Variants in AKT3 observed in about 807,000 individuals in gnomAD.
AKT3 encodes RAC-gamma serine/threonine-protein kinase.
A neutral mutation model predicts 65.3 loss-of-function variants in AKT3; 15 were observed. The ratio of observed to expected loss-of-function variants is 0.23; its 90% CI spans 0.15 to 0.35. AKT3 has a LOEUF of 0.35. AKT3 is among the 10% of genes least tolerant of loss of function. The pLI is 1.00. For synonymous variants in AKT3, 206 were observed against 183.8 expected (o/e 1.12, Z -0.98); for missense variants, 243 against 576.5 (o/e 0.42, Z 5.92).
chr1:243,795,992 T>C (rs367982786), intron 2 of AKT3, among the ~76,000 whole-genome samples: 2 of 152,184 alleles, frequency 1.3e-5, no homozygotes, highest in African/African-American at 2.4e-5. Flanking sequence ...TTCAGCTCCA[T>C]TTCTGACCCC....
At chr1:243,632,203 C>A (rs1045408652) in intron 6 of AKT3, among the ~76,000 whole-genome samples, 1 of 152,096 alleles carries the variant, frequency 6.6e-6, no homozygotes, top group Non-Finnish European at 1.5e-5. Context: ...CTGTCTATTA[C>A]AAAATGTATT....
Position 243,507,212 on chromosome 1 carries a change from G to A in AKT3, c.1355-1878C>T, listed in dbSNP as rs941639135. Among the ~76,000 whole-genome samples, 15 of 152,194 alleles carry A rather than the reference G, an allele frequency of 9.9e-5. 1 individual carries two copies. The highest frequency in any genetic ancestry group is 3.6e-4 in the African/African-American group (15 of 41,448). On this transcript the variant is annotated intron_variant, in intron 13 of 13. Coordinates refer to ENST00000673466, the MANE Select transcript of AKT3 (RefSeq NM_005465.7). ...CATGGCCAGGACTCATTCCAGCCCG[G>A]CGAGGTTCAGCACCCAGGTTAGCCA...
intron 2 of AKT3, among the ~76,000 whole-genome samples, chr1:243,764,639 T>G (rs1382780889): frequency 6.6e-6 from 1 of 152,040 alleles, no homozygotes; most frequent in African/African-American, 2.4e-5. Flanking sequence ...AAAACAAAAT[T>G]GGTTTAAAAA....
At chr1:243,546,306 C>A (rs1226891776) in intron 11 of AKT3, among the ~76,000 whole-genome samples, 4 of 151,994 alleles carry the variant, frequency 2.6e-5, no homozygotes, top group Admixed American at 2.0e-4. Context: ...TTCTTCATAG[C>A]AGAATGAAAA....
At chr1:243,679,229 T>C (rs1383276229) in intron 3 of AKT3, among the ~76,000 whole-genome samples, 1 of 152,138 alleles carries the variant, frequency 6.6e-6, no homozygotes, top group Non-Finnish European at 1.5e-5. Flanking sequence ...TGGGCAACAG[T>C]AGGATATTGG....
chr1:243,639,750 C>T lies in AKT3; in HGVS notation c.430-2008G>A, dbSNP rs532823714. ...TTAGCATATGATTAAAAAATAACCACAAAAATAGCCAACCAGTAGCCATCA... is the reference window on the plus strand; with the variant it reads ...TTAGCATATGATTAAAAAATAACCATAAAAATAGCCAACCAGTAGCCATCA... On this transcript the variant is annotated intron_variant, in intron 5 of 13. Transcript: ENST00000673466. 3.3e-5 allele frequency among the ~76,000 whole-genome samples: 5 copies of T among 152,246 alleles called. No homozygotes were observed. In the East Asian group the frequency reaches 9.6e-4, roughly 29 times the overall value.
chr1:243,497,665 A>G (rs1280782281), downstream of AKT3, among the ~76,000 whole-genome samples: 1 of 152,186 alleles, frequency 6.6e-6, no homozygotes, highest in African/African-American at 2.4e-5. Context: ...TTATCAAAAA[A>G]TTCCGCAACA....
intron 4 of AKT3, among the ~76,000 whole-genome samples, chr1:243,649,313 ATGTGTG>A (rs55765060): frequency 0.18 from 25,704 of 145,668 alleles, 2,413 homozygotes; most frequent in East Asian, 0.29. Context: ...TTATGTGTAT[ATGTGTG>A]TGTGTGTGTG....
At chr1:243,850,812 G>C (rs533394281), upstream of AKT3, among the ~76,000 whole-genome samples, 715 of 152,044 alleles carry the variant, frequency 4.7e-3, 5 homozygotes, top group African/African-American at 0.017. Context: ...CCCCTAGCCA[G>C]CCAGAGCCGG....
At position 243,691,036 on chromosome 1, in the gene AKT3, T is replaced by C. The variant is rs139061698; in HGVS notation, c.172+4555A>G. The stretch of plus-strand genomic sequence containing the variant: ...CAGGAACAAGATAACCAAGAAACAA[T>C]GTGTTAACAGCAGAAGATAATAGAT... On this transcript the variant is annotated intron_variant, in intron 3 of 13. Transcript: ENST00000673466. 3.7e-3 allele frequency among the ~76,000 whole-genome samples: 561 copies of C among 152,094 alleles called. 2 individuals are homozygous for C. The highest frequency in any genetic ancestry group is 6.3e-3 in the Non-Finnish European group (428 of 67,990).
At chr1:243,676,595 TTTTG>T (rs1158413574) in intron 3 of AKT3, among the ~76,000 whole-genome samples, 5 of 152,202 alleles carry the variant, frequency 3.3e-5, no homozygotes, top group African/African-American at 1.2e-4. Context: ...AGGGTTTTGT[TTTTG>T]TTTGTTTCAG....
chr1:243,835,819 A>G (rs1041363042), intron 2 of AKT3, among the ~76,000 whole-genome samples: 2 of 152,198 alleles, frequency 1.3e-5, no homozygotes, highest in African/African-American at 4.8e-5. Flanking sequence ...GTATGAAGAG[A>G]GGTATTTTTT....
At chr1:243,789,386 T>TC (rs1691475187) in intron 2 of AKT3, among the ~76,000 whole-genome samples, 1 of 152,164 alleles carries the variant, frequency 6.6e-6, no homozygotes, top group African/African-American at 2.4e-5. Context: ...GACTTTGTCT[T>TC]TAAAAAAATC....
At chr1:243,495,409 G>A (rs1423127784), downstream of AKT3, among the ~76,000 whole-genome samples, 5 of 152,300 alleles carry the variant, frequency 3.3e-5, no homozygotes, top group East Asian at 1.9e-4. Context: ...CAAGCCCTGC[G>A]GTGGAAGGGA....
At chr1:243,749,734 A>C (rs941250742) in intron 2 of AKT3, among the ~76,000 whole-genome samples, 6 of 152,184 alleles carry the variant, frequency 3.9e-5, no homozygotes, top group Non-Finnish European at 7.3e-5. Flanking sequence ...GGCTTGCTGT[A>C]ATCTATTTTC....
intron 2 of AKT3, among the ~76,000 whole-genome samples, chr1:243,766,234 T>C (rs1689810279): frequency 6.6e-6 from 1 of 152,116 alleles, no homozygotes; most frequent in South Asian, 2.1e-4. Flanking sequence ...TGCTCTCAAC[T>C]GGTGAGGAGG....
chr1:243,517,188 A>T (rs944503803), intron 12 of AKT3, among the ~76,000 whole-genome samples: 1 of 152,186 alleles, frequency 6.6e-6, no homozygotes, highest in South Asian at 2.1e-4. Flanking sequence ...AATGTTTTAC[A>T]GTACTTAAAT....
intron 2 of AKT3, among the ~76,000 whole-genome samples, chr1:243,744,592 AGCCGG>A (rs1452884131): frequency 5.3e-4 from 81 of 151,850 alleles, no homozygotes; most frequent in African/African-American, 1.8e-3. Context: ...ACAAAAAATT[AGCCGG>A]GCGTAGTGGC....
chr1:243,797,812 A>G (rs1013474250), intron 2 of AKT3, among the ~76,000 whole-genome samples: 2 of 151,430 alleles, frequency 1.3e-5, no homozygotes, highest in Non-Finnish European at 2.9e-5. Flanking sequence ...TACATAATCA[A>G]ATAGATCACT....
Sources: gnomAD v4.1 joint callset for allele counts (sites outside exome capture counted in the v4.1 genomes callset) on GRCh38, gnomAD v4.1.1 for gene constraint, MANE v1.5 for transcripts, NCBI Gene and HGNC (gene_info 2026-07-23, HGNC 2026-07-21) for gene names.